The following EIF3CL variants were observed in gnomAD, a reference collection of about 807,000 sequenced individuals.
EIF3CL encodes eukaryotic translation initiation factor 3 subunit C-like protein.
For synonymous variants in EIF3CL, 2 were observed against 19.6 expected, an observed-to-expected ratio of 0.10 and a Z score of 2.37; for missense variants, 5 against 56.1, an observed-to-expected ratio of 0.09 and a Z score of 2.91.
chr16:28,386,163 A>G (rs2045599775), intron 15 of EIF3CL, among the ~76,000 whole-genome samples: 2 of 36,210 alleles, frequency 5.5e-5, no homozygotes, highest in South Asian at 1.0e-3. Context: ...TGAGTCGTCA[A>G]GATCGCGCCA....
chr16:28,385,006 G>GT (rs1775376837), intron 15 of EIF3CL, among the ~76,000 whole-genome samples: 2 of 77,566 alleles, frequency 2.6e-5, no homozygotes, highest in South Asian at 8.5e-4. Context: ...GCTCATGCCT[G>GT]TAATCCCAGC....
chr16:28,422,659 C>A, the EIF3CL span, among the ~76,000 whole-genome samples: 1 of 146,186 alleles, frequency 6.8e-6, no homozygotes, highest in Non-Finnish European at 1.5e-5. Context: ...ACAGTGAAAC[C>A]CCGTCTTTAC....
At chr16:28,385,636 T>C (rs1473030374) in intron 15 of EIF3CL, among the ~76,000 whole-genome samples, 6 of 55,634 alleles carry the variant, frequency 1.1e-4, no homozygotes, top group Non-Finnish European at 4.0e-5. Context: ...TTATAGGTAA[T>C]GTGGTTTTTC....
At chr16:28,417,291 C>A in the EIF3CL span, among the ~76,000 whole-genome samples, 4 of 148,776 alleles carry the variant, frequency 2.7e-5, no homozygotes, top group Non-Finnish European at 6.0e-5. Flanking sequence ...CCCCTCTGAC[C>A]GGCCACCACC....
the EIF3CL span, among the ~76,000 whole-genome samples, chr16:28,415,924 G>C: frequency 2.2e-5 from 2 of 91,726 alleles, no homozygotes; most frequent in South Asian, 3.1e-4. Flanking sequence ...CTGGACTGTA[G>C]TGCTGCCATC....
At chr16:28,422,669 C>T in the EIF3CL span, among the ~76,000 whole-genome samples, 30 of 146,746 alleles carry the variant, frequency 2.0e-4, no homozygotes, top group Admixed American at 5.5e-4. Context: ...CCCGTCTTTA[C>T]TAAAAATACA....
At chr16:28,417,296 A>T in the EIF3CL span, among the ~76,000 whole-genome samples, 105 of 148,432 alleles carry the variant, frequency 7.1e-4, 5 homozygotes, top group Admixed American at 7.0e-3. Flanking sequence ...CTGACCGGCC[A>T]CCACCCCGTC....
Position 28,385,489 on chromosome 16 carries a change from T to C in EIF3CL, c.1822-2008A>G, listed in dbSNP as rs1229446218. Among the ~76,000 whole-genome samples the C allele has an allele frequency of 5.4e-5, 6 of 111,644 alleles. 2 individuals carry two copies. Among genetic ancestry groups the C allele is most frequent in the Non-Finnish European group, 1.2e-4 (6 of 50,728 alleles). The allele number at this position is 111,644 out of a possible 152,430, so 73.2% of individuals were successfully genotyped here. A position where few individuals can be genotyped will look rare whatever the true frequency, so the allele number is the denominator to read the frequency against. On this transcript the variant is annotated intron_variant, in intron 15 of 20. Transcript: ENST00000380876. Reference sequence around the variant, plus strand: ...GACTACAGGCGTGCACCACTATGCCTGACTAGTTTCTGTATTTTTTGTAGA... The same window carrying C: ...GACTACAGGCGTGCACCACTATGCCCGACTAGTTTCTGTATTTTTTGTAGA...
the EIF3CL span, among the ~76,000 whole-genome samples, chr16:28,416,777 C>T: frequency 1.9e-5 from 2 of 107,496 alleles, no homozygotes; most frequent in African/African-American, 3.3e-5. Context: ...CCCCCCCACC[C>T]GGCCAGCCGC....
At chr16:28,418,524 CAT>C in the EIF3CL span, among the ~76,000 whole-genome samples, 1 of 134,196 alleles carries the variant, frequency 7.5e-6, no homozygotes, top group East Asian at 2.3e-4. Context: ...AAAGATACCA[CAT>C]GTGAGGCAGC....
chr16:28,385,465 A>G (rs1344838508), intron 15 of EIF3CL, among the ~76,000 whole-genome samples: 2 of 116,144 alleles, frequency 1.7e-5, no homozygotes, highest in Non-Finnish European at 3.8e-5. Context: ...AGTAGGTGGG[A>G]CTACAGGCGT....
the EIF3CL span, among the ~76,000 whole-genome samples, chr16:28,426,102 T>G: frequency 2.1e-5 from 2 of 96,540 alleles, no homozygotes; most frequent in African/African-American, 4.4e-5. Flanking sequence ...CACACACACA[T>G]ACACACACAC....
chr16:28,386,472 T>C (rs1204336630), intron 15 of EIF3CL, among the ~76,000 whole-genome samples: 1 of 29,314 alleles, frequency 3.4e-5, no homozygotes, highest in East Asian at 1.2e-3. Context: ...TAAAAGACCT[T>C]TGAGTGGCCG....
chr16:28,415,960 G>C, the EIF3CL span, among the ~76,000 whole-genome samples: 3 of 70,868 alleles, frequency 4.2e-5, no homozygotes, highest in South Asian at 4.7e-4. Flanking sequence ...CTCCCTGCCT[G>C]ATTCTCCTGC....
intron 16 of EIF3CL, among the ~76,000 whole-genome samples, chr16:28,382,489 CCA>C (rs1000148590): frequency 1.8e-5 from 2 of 108,338 alleles, no homozygotes; most frequent in Non-Finnish European, 4.0e-5. Flanking sequence ...GGAAATTTCC[CCA>C]CAAAGTAAAT....
the EIF3CL span, chr16:28,414,321 G>C: frequency 1.3e-5 from 4 of 299,794 alleles, no homozygotes; most frequent in Non-Finnish European, 2.6e-5. Context: ...GCTTGAACCC[G>C]GGAGGCGGAG....
chr16:28,414,928 A>T, the EIF3CL span: 1 of 513,218 alleles, frequency 1.9e-6, no homozygotes, highest in Non-Finnish European at 3.9e-6. Context: ...CCCAACTCTG[A>T]GGTCAGCGAG....
At chr16:28,417,251 G>T in the EIF3CL span, among the ~76,000 whole-genome samples, 1 of 149,606 alleles carries the variant, frequency 6.7e-6, no homozygotes, top group Admixed American at 6.6e-5. Context: ...GGGCGCCTCT[G>T]CCCGGCCGCC....
chr16:28,418,075 C>T, the EIF3CL span, among the ~76,000 whole-genome samples: 5 of 150,922 alleles, frequency 3.3e-5, no homozygotes, highest in African/African-American at 1.2e-4. Context: ...AGTGTGCATG[C>T]TATAAAAAAG....
Sources: allele counts gnomAD v4.1 joint callset (sites outside exome capture counted in the v4.1 genomes callset), GRCh38; gene constraint gnomAD v4.1.1; transcripts MANE v1.5; gene names NCBI Gene and HGNC (gene_info 2026-07-23, HGNC 2026-07-21).